The following INVS variants were observed in gnomAD, a reference collection of about 807,000 sequenced individuals.
INVS encodes inversion of embryo turning homolog.
In INVS, 86 loss-of-function variants were observed where a neutral mutation model predicts 108.8. That is an observed-to-expected ratio of 0.79 (90% confidence interval 0.66 to 0.95). The LOEUF is 0.95. INVS is among the 40% of genes least tolerant of loss of function. The pLI, the probability that INVS is intolerant of heterozygous loss-of-function variation, is 0.00. For missense variants in INVS, 1,169 were observed against 1,297.4 expected (o/e 0.90, Z 1.52); for synonymous variants, 455 against 473.5 (o/e 0.96, Z 0.51).
chr9:100,224,693 T>G (rs1178816194), intron 3 of INVS, among the ~76,000 whole-genome samples: 1 of 152,098 alleles, frequency 6.6e-6, no homozygotes, highest in East Asian at 1.9e-4. Flanking sequence ...CTCTGCTCAC[T>G]GCAACCTCTG....
At chr9:100,189,262 C>A (rs1830150648) in intron 3 of INVS, among the ~76,000 whole-genome samples, 1 of 151,460 alleles carries the variant, frequency 6.6e-6, no homozygotes, top group African/African-American at 2.4e-5. Flanking sequence ...TTTGTTATTT[C>A]TTTTCTTTTG....
chr9:100,106,402 C>A (rs12552666), intron 2 of INVS, among the ~76,000 whole-genome samples: 26,373 of 152,164 alleles, frequency 0.17, 3,370 homozygotes, highest in East Asian at 0.64. Context: ...AAACATGCTT[C>A]ATTGTTTCCA....
intron 3 of INVS, among the ~76,000 whole-genome samples, chr9:100,157,671 T>A (rs1829044016): frequency 6.6e-6 from 1 of 152,164 alleles, no homozygotes; most frequent in Non-Finnish European, 1.5e-5. Context: ...CTGAAAAAAG[T>A]TCAAAAACAG....
chr9:100,298,413 TGTACAGCCCAG>T, intron 16 of INVS: 1 of 781,484 alleles, frequency 1.3e-6, no homozygotes, highest in Non-Finnish European at 1.6e-6. Flanking sequence ...ACTGAGAGCA[TGTACAGCCCAG>T]GCTCAGCTGT....
At position 100,178,408 on chromosome 9, in the gene INVS, T is replaced by C. The variant is rs566521038; in HGVS notation, c.274-47654T>C. Among the ~76,000 whole-genome samples, 329 of 152,254 alleles carry C rather than the reference T, an allele frequency of 2.2e-3. 1 individual carries two copies. The highest frequency in any genetic ancestry group is 2.5e-3 in the Non-Finnish European group (170 of 68,024). On this transcript the variant is annotated intron_variant, in intron 3 of 16. Coordinates refer to ENST00000262457, the MANE Select transcript of INVS (RefSeq NM_014425.5). ...AACCTTGAAAAAAGGTTAGAGGAAT[T>C]GCTAACTAGAATAACCAGTTTAGAG...
chr9:100,297,210 AAGT>A (rs1438096885), intron 15 of INVS, 64 bp downstream of exon 15: 2 of 1,259,154 alleles, frequency 1.6e-6, no homozygotes, highest in Non-Finnish European at 2.3e-6. Context: ...TCAGAATCTG[AAGT>A]AGAATTTAAT....
rs924513310 is a variant in INVS at position 100,301,261 on chromosome 9, T to C, written c.*587T>C. 9.9e-5 allele frequency among the ~76,000 whole-genome samples: 15 copies of C among 152,056 alleles called. No individual in the cohort carries two copies. The highest frequency in any genetic ancestry group is 1.8e-4 in the Non-Finnish European group (12 of 68,010). ...ATTGCCCACTGTTTTCATTTAGAAATTGTCCAAAAGACCATAGATACATTC... is the reference window on the plus strand; with the variant it reads ...ATTGCCCACTGTTTTCATTTAGAAACTGTCCAAAAGACCATAGATACATTC... On this transcript the variant is annotated 3_prime_UTR_variant, in exon 17 of 17. Coordinates refer to ENST00000262457, the MANE Select transcript of INVS (RefSeq NM_014425.5).
At chr9:100,142,074 C>T (rs1323510328) in intron 3 of INVS, among the ~76,000 whole-genome samples, 3 of 152,298 alleles carry the variant, frequency 2.0e-5, no homozygotes, top group African/African-American at 4.8e-5. Context: ...GCGTAAGCGT[C>T]GCCTAGAGCA....
At chr9:100,202,322 T>A (rs1429384829) in intron 3 of INVS, among the ~76,000 whole-genome samples, 2 of 152,142 alleles carry the variant, frequency 1.3e-5, no homozygotes, top group Non-Finnish European at 2.9e-5. Flanking sequence ...CATGGAGGAA[T>A]TGAAATTTCA....
chr9:100,292,666 C>G lies in INVS; in HGVS notation c.2409C>G (p.Cys803Trp). Residue 803 changes from cysteine (C) to tryptophan (W), a missense_variant, in exon 14 of 17, where the codon TGC becomes TGG. Around this residue, in one of 3 missense-constraint regions of INVS, gnomAD observed 533 missense variants for 536.0 expected, o/e 0.99. Transcript: ENST00000262457. ...RRTQELRGGR[C>W]SPAGSSRPGS... ...CTCAAGAGCTCAGAGGAGGAAGGTG[C>G]TCTCCGGCTGGTTCTAGCCGCCCTG... 6.2e-7 allele frequency: 1 copy of G among 1,614,184 alleles called. No individual in the cohort carries two copies. The highest frequency in any genetic ancestry group is 8.5e-7 in the Non-Finnish European group (1 of 1,180,028).
chr9:100,154,331 ATTTTTTTTTTTT>A (rs780090630), intron 3 of INVS, among the ~76,000 whole-genome samples: 70 of 68,574 alleles, frequency 1.0e-3, no homozygotes, highest in Non-Finnish European at 1.6e-3. Flanking sequence ...CAACCGACTA[ATTTTTTTTTTTT>A]TTTTTTTTTT....
At chr9:100,154,913 A>G (rs1016628828) in intron 3 of INVS, among the ~76,000 whole-genome samples, 1 of 152,144 alleles carries the variant, frequency 6.6e-6, no homozygotes, top group African/African-American at 2.4e-5. Context: ...CCATAATTAT[A>G]AAGTTTAAGT....
chr9:100,189,106 C>CTTTTTTTTTTTTTTTTTTTTT (rs60762136), intron 3 of INVS, among the ~76,000 whole-genome samples: 11 of 69,534 alleles, frequency 1.6e-4, no homozygotes, highest in African/African-American at 2.7e-4. Flanking sequence ...TTTGCATCTT[C>CTTTTTTTTTTTTTTTTTTTTT]TTTTTTTTTT....
chr9:100,272,240 T>C (rs1411594932), intron 11 of INVS, among the ~76,000 whole-genome samples: 1 of 152,220 alleles, frequency 6.6e-6, no homozygotes, highest in African/African-American at 2.4e-5. Context: ...TCTTCCTGGT[T>C]TCTTCTGGTA....
chr9:100,257,029 A>G (rs1405224223), intron 10 of INVS, among the ~76,000 whole-genome samples: 1 of 152,100 alleles, frequency 6.6e-6, no homozygotes, highest in Non-Finnish European at 1.5e-5. Flanking sequence ...TCCCATGATT[A>G]TTGTGTGGGA....
chr9:100,150,023 A>T (rs1189895045), intron 3 of INVS, among the ~76,000 whole-genome samples: 20 of 152,090 alleles, frequency 1.3e-4, no homozygotes, highest in Non-Finnish European at 4.4e-5. Context: ...ACTTTCTCAG[A>T]CTTCTTGTTC....
chr9:100,289,024 G>A (rs1400240688), intron 13 of INVS, among the ~76,000 whole-genome samples: 3 of 152,038 alleles, frequency 2.0e-5, no homozygotes, highest in East Asian at 1.9e-4. Context: ...AGCACATCCC[G>A]GGATCTTTAC....
chr9:100,117,497 C>A, intron 2 of INVS: 1 of 800,550 alleles, frequency 1.2e-6, no homozygotes, highest in African/African-American at 1.7e-5. Context: ...TCCACGGCCT[C>A]AGCCCGGGCC....
chr9:100,271,545 G>A (rs961109156), intron 11 of INVS, among the ~76,000 whole-genome samples: 7 of 152,168 alleles, frequency 4.6e-5, no homozygotes, highest in Non-Finnish European at 8.8e-5. Flanking sequence ...ATATATACAT[G>A]AATAATTTTG....
Sources: allele counts gnomAD v4.1 joint callset (sites outside exome capture counted in the v4.1 genomes callset), GRCh38; gene constraint gnomAD v4.1.1; regional missense constraint gnomAD v4.1.1; transcripts MANE v1.5; gene names NCBI Gene and HGNC (gene_info 2026-07-23, HGNC 2026-07-21).